GATAD2A: variants seen among roughly 807,000 people sequenced by gnomAD.
GATAD2A encodes transcriptional repressor p66-alpha.
Under a neutral mutation model 68.5 loss-of-function variants are expected in GATAD2A, and 12 were observed. The ratio of observed to expected loss-of-function variants is 0.18; its 90% CI spans 0.11 to 0.28. GATAD2A has a LOEUF of 0.28. GATAD2A is among the 10% of genes least tolerant of loss of function. The probability of loss-of-function intolerance (pLI) is 1.00; values close to 1 mark genes in which losing one functional copy is unlikely to be tolerated. For synonymous variants in GATAD2A, 410 were observed against 375.3 expected, an observed-to-expected ratio of 1.09 and a Z score of -1.07; for missense variants, 755 against 868.5, an observed-to-expected ratio of 0.87 and a Z score of 1.64.
intron 1 of GATAD2A, among the ~76,000 whole-genome samples, chr19:19,390,208 G>A (rs185554586): frequency 9.3e-4 from 141 of 152,256 alleles, no homozygotes; most frequent in Non-Finnish European, 1.6e-3. Flanking sequence ...CACAAAATTG[G>A]CATGTTATTA....
chr19:19,501,094 G>A, intron 8 of GATAD2A, 24 bp from the exon 9 acceptor site: 2 of 1,597,088 alleles, frequency 1.3e-6, no homozygotes, highest in Non-Finnish European at 1.7e-6. Context: ...CCTCTGACGT[G>A]AGCCATGTGC....
At chr19:19,501,640 C>G (rs1031954846) in intron 9 of GATAD2A, among the ~76,000 whole-genome samples, 1 of 152,228 alleles carries the variant, frequency 6.6e-6, no homozygotes, top group African/African-American at 2.4e-5. Context: ...AAGGTCTTTT[C>G]TGAAAGCCAC....
At position 19,498,712 on chromosome 19, in the gene GATAD2A, G is replaced by A; in HGVS notation, c.1194G>A (p.Leu398=). The A allele has an allele frequency of 6.2e-7, 1 of 1,608,504 alleles. No homozygotes were observed. Among genetic ancestry groups the A allele is most frequent in the South Asian group, 1.1e-5 (1 of 90,736 alleles). The stretch of plus-strand genomic sequence containing the variant: ...TGGAGGAGGTGGTGCAGAACCTACT[G>A]GAGACACAAGGTGAGTGGCCTGGAC... The part of the protein sequence containing the change: ...VGLEEVVQNL[L]ETQAGRMSAA... The change falls in exon 8 of 12, where the codon CTG becomes CTA. Residue 398 remains leucine, a synonymous_variant. Coordinates refer to ENST00000683918, the MANE Select transcript of GATAD2A (RefSeq NM_001384528.1).
chr19:19,502,486 C>T lies in GATAD2A; in HGVS notation c.1734C>T (p.Gly578=). ...AGAGAACCGTGAGCGCCGGCAAGGG[C>T]AGCGCCACCTCCAACTGGAAGAAGA... ...HSERTVSAGK[G]SATSNWKKTP... is the part of the protein sequence containing the mutation. The change falls in exon 11 of 12, where the codon GGC becomes GGT. Residue 578 remains glycine, a synonymous_variant. Transcript: ENST00000683918. The T allele has an allele frequency of 6.2e-7, 1 of 1,613,262 alleles. No individual in the cohort carries two copies. Among genetic ancestry groups the T allele is most frequent in the Non-Finnish European group, 8.5e-7 (1 of 1,179,898 alleles).
At chr19:19,395,167 G>A (rs747186151) in intron 1 of GATAD2A, among the ~76,000 whole-genome samples, 7 of 152,116 alleles carry the variant, frequency 4.6e-5, no homozygotes, top group East Asian at 1.9e-4. Context: ...CAGAAAATAC[G>A]TTCAAGGCCG....
chr19:19,494,634 G>C (rs1412204664), intron 5 of GATAD2A, among the ~76,000 whole-genome samples: 2 of 152,242 alleles, frequency 1.3e-5, no homozygotes, highest in Non-Finnish European at 2.9e-5. Context: ...CACTGGAAGG[G>C]GGCTTTCCAG....
chr19:19,461,204 C>A (rs1282793140), intron 1 of GATAD2A, among the ~76,000 whole-genome samples: 1 of 152,200 alleles, frequency 6.6e-6, no homozygotes, highest in Non-Finnish European at 1.5e-5. Context: ...TACTGCGAAG[C>A]CTCACTTTCT....
upstream of GATAD2A, among the ~76,000 whole-genome samples, chr19:19,405,587 G>T (rs1356749458): frequency 2.6e-5 from 4 of 151,850 alleles, no homozygotes; most frequent in Admixed American, 1.3e-4. Context: ...GTCCGGCCCC[G>T]CCCCCTCAAC....
At chr19:19,405,353 A>C (rs1236110717), upstream of GATAD2A, among the ~76,000 whole-genome samples, 1 of 152,194 alleles carries the variant, frequency 6.6e-6, no homozygotes, top group Non-Finnish European at 1.5e-5. Context: ...GAGGTCGCCC[A>C]GCTCAGCTGG....
At chr19:19,444,660 C>T (rs2055493551) in intron 1 of GATAD2A, among the ~76,000 whole-genome samples, 1 of 152,040 alleles carries the variant, frequency 6.6e-6, no homozygotes, top group Admixed American at 6.5e-5. Flanking sequence ...CTCTTGGGCC[C>T]AGGAATTTGA....
At chr19:19,392,079 C>CTTTTTTTTT (rs753791949) in intron 1 of GATAD2A, among the ~76,000 whole-genome samples, 1 of 107,062 alleles carries the variant, frequency 9.3e-6, no homozygotes, top group Non-Finnish European at 1.8e-5. Context: ...AGAGTTTTTC[C>CTTTTTTTTT]TTTTTTTTTT....
intron 1 of GATAD2A, among the ~76,000 whole-genome samples, chr19:19,395,380 AGGAGGC>A (rs1383745670): frequency 2.6e-5 from 4 of 152,110 alleles, no homozygotes; most frequent in Non-Finnish European, 5.9e-5. Flanking sequence ...ACTTGAACCC[AGGAGGC>A]GGGGTTTGCA....
chr19:19,430,867 C>G (rs898443952), intron 1 of GATAD2A, among the ~76,000 whole-genome samples: 9 of 152,082 alleles, frequency 5.9e-5, no homozygotes, highest in Non-Finnish European at 8.8e-5. Flanking sequence ...TTCTGTTGCC[C>G]AAAGTGCAGT....
At chr19:19,479,332 T>C (rs1568322605) in intron 2 of GATAD2A, among the ~76,000 whole-genome samples, 1 of 152,328 alleles carries the variant, frequency 6.6e-6, no homozygotes, top group East Asian at 1.9e-4. Context: ...CTCATCCCAG[T>C]CTCCACATTG....
At chr19:19,434,395 C>T (rs934957624) in intron 1 of GATAD2A, among the ~76,000 whole-genome samples, 1 of 152,138 alleles carries the variant, frequency 6.6e-6, no homozygotes, top group African/African-American at 2.4e-5. Flanking sequence ...TCCTGAGGAG[C>T]TAGCCCTGTG....
chr19:19,431,430 T>A (rs546338117), intron 1 of GATAD2A, among the ~76,000 whole-genome samples: 1 of 151,420 alleles, frequency 6.6e-6, no homozygotes, highest in Admixed American at 6.6e-5. Flanking sequence ...GCGCGGTGGC[T>A]CACACCTGTA....
chr19:19,482,492 C>A (rs1486935935), intron 2 of GATAD2A, among the ~76,000 whole-genome samples: 1 of 152,206 alleles, frequency 6.6e-6, no homozygotes, highest in East Asian at 1.9e-4. Flanking sequence ...CTTTAGGGTT[C>A]CCCCAGGGTC....
At chr19:19,475,999 G>T (rs1012079869) in intron 2 of GATAD2A, among the ~76,000 whole-genome samples, 4 of 152,150 alleles carry the variant, frequency 2.6e-5, no homozygotes, top group Non-Finnish European at 2.9e-5. Context: ...CATCACTGCT[G>T]GTCTTCCTGA....
chr19:19,473,720 G>A (rs1036494530), intron 2 of GATAD2A, among the ~76,000 whole-genome samples: 19 of 150,744 alleles, frequency 1.3e-4, no homozygotes, highest in African/African-American at 4.9e-5. Flanking sequence ...GGCAGATCAC[G>A]AGGTCAGGAG....
Sources: allele counts gnomAD v4.1 joint callset (sites outside exome capture counted in the v4.1 genomes callset), GRCh38; gene constraint gnomAD v4.1.1; transcripts MANE v1.5; gene names NCBI Gene and HGNC (gene_info 2026-07-23, HGNC 2026-07-21).